SH3PXD2A: variants seen among roughly 807,000 people sequenced by gnomAD.
SH3PXD2A encodes the protein SH3 and PX domains 2A.
In SH3PXD2A, 32 loss-of-function variants were observed where a neutral mutation model predicts 115.2. That is an observed-to-expected ratio of 0.28 (90% CI 0.21 to 0.37). The LOEUF (loss-of-function observed/expected upper bound fraction) is 0.37. Ranked by LOEUF, SH3PXD2A falls within the 10% of genes least tolerant of loss-of-function variation. The pLI is 1.00. For missense variants in SH3PXD2A, 1,328 were observed against 1,498.7 expected, an observed-to-expected ratio of 0.89 and a Z score of 1.88; for synonymous variants, 610 against 629.1, an observed-to-expected ratio of 0.97 and a Z score of 0.45.
chr10:103,763,315 C>G (rs2038720453), intron 3 of SH3PXD2A, among the ~76,000 whole-genome samples: 2 of 152,222 alleles, frequency 1.3e-5, no homozygotes, highest in South Asian at 4.1e-4. Context: ...CCCGCAGACT[C>G]CACACTTGGG....
chr10:103,596,663 A>ACACACTCTCTCT lies in SH3PXD2A; in HGVS notation c.*5152_*5153insAGAGAGAGTGTG. On this transcript the variant is annotated 3_prime_UTR_variant, in exon 15 of 15. Coordinates refer to ENST00000369774, the MANE Select transcript of SH3PXD2A (RefSeq NM_001394015.1). ...CACACACACACACACACACACACACACTCTCTCTCTCTCTCTCTCTCTCAC... is the reference window on the plus strand; with the variant it reads ...CACACACACACACACACACACACACACACACTCTCTCTCTCTCTCTCTCTCTCTCTCTCTCAC... 365 of 124,492 alleles carry ACACACTCTCTCT rather than the reference A, an allele frequency of 2.9e-3. 2 individuals are homozygous for ACACACTCTCTCT. The highest frequency in any genetic ancestry group is 0.011 in the African/African-American group (351 of 31,736). The allele number at this position is 124,492 out of a possible 1,614,324, so 7.7% of individuals were successfully genotyped here.
chr10:103,767,315 A>G lies in SH3PXD2A; in HGVS notation c.154-146T>C, dbSNP rs1031488030. 8 of 650,834 alleles carry G rather than the reference A, an allele frequency of 1.2e-5. No individual in the cohort carries two copies. The African/African-American group carries it at 1.4e-4, about 12-fold the overall frequency. The allele number at this position is 650,834 out of a possible 1,614,324, so 40.3% of individuals were successfully genotyped here. On this transcript the variant is annotated intron_variant, in intron 2 of 14. Coordinates refer to ENST00000369774, the MANE Select transcript of SH3PXD2A (RefSeq NM_001394015.1). ...GAGATCCCTCATTTCACAGATGATTAACAAACCACATGGGGCATGAGAGGG... is the reference window on the plus strand; with the variant it reads ...GAGATCCCTCATTTCACAGATGATTGACAAACCACATGGGGCATGAGAGGG...
chr10:103,816,656 TCTAC>T (rs2039326508), intron 1 of SH3PXD2A, among the ~76,000 whole-genome samples: 1 of 152,168 alleles, frequency 6.6e-6, no homozygotes, highest in South Asian at 2.1e-4. Context: ...TTCTGAGGCA[TCTAC>T]CTAAGAGAAA....
chr10:103,744,542 G>A (rs2038479790), intron 3 of SH3PXD2A, among the ~76,000 whole-genome samples: 1 of 152,176 alleles, frequency 6.6e-6, no homozygotes. Context: ...CTCTTCCCCT[G>A]CTGGGCTGCC....
chr10:103,608,430 GAAAAAAA>G lies in SH3PXD2A; in HGVS notation c.1309-2520_1309-2514del, dbSNP rs953168200. ...AAATAAAGACACCATTCCATGTCAA[GAAAAAAA>G]AAAAAAAAAAAAAGAAAAATTGTGT... is the stretch of plus-strand genomic sequence containing the variant. On this transcript the variant is annotated intron_variant, in intron 13 of 14. Coordinates refer to ENST00000369774, the MANE Select transcript of SH3PXD2A (RefSeq NM_001394015.1). 2.5e-3 allele frequency among the ~76,000 whole-genome samples: 214 copies of G among 85,330 alleles called. 1 individual carries two copies. Among genetic ancestry groups the G allele is most frequent in the African/African-American group, 7.5e-3 (178 of 23,856 alleles). 56.0% of individuals were successfully genotyped at this position (85,330 alleles called of 152,430 possible). A position where few individuals can be genotyped will look rare whatever the true frequency, so the allele number is the denominator to read the frequency against.
At chr10:103,722,683 G>A (rs1415217021) in intron 5 of SH3PXD2A, among the ~76,000 whole-genome samples, 2 of 151,368 alleles carry the variant, frequency 1.3e-5, no homozygotes, top group African/African-American at 2.4e-5. Flanking sequence ...CCAGCACTGA[G>A]CCACTAGGGA....
intron 1 of SH3PXD2A, among the ~76,000 whole-genome samples, chr10:103,836,591 G>T (rs2039543545): frequency 7.0e-6 from 1 of 143,520 alleles, no homozygotes; most frequent in African/African-American, 2.6e-5. Context: ...AACACACACA[G>T]TCCACACTCA....
rs1310291565 is a variant in SH3PXD2A, at chr10:103,622,465, G to A, written c.802+5C>T. 6.5e-7 allele frequency: 1 copy of A among 1,545,312 alleles called. No homozygotes were observed. The highest frequency in any genetic ancestry group is 2.4e-5 in the East Asian group (1 of 40,908). Reference sequence around the variant, plus strand: ...GAGGGAGGAGAAGCCAGCTCCCGCAGTCACCTCGGCTGTGCTGCCTGTTGA... The same window carrying A: ...GAGGGAGGAGAAGCCAGCTCCCGCAATCACCTCGGCTGTGCTGCCTGTTGA... On this transcript the variant is annotated splice_donor_5th_base_variant and intron_variant, in intron 10 of 14. Transcript: ENST00000369774.
intron 3 of SH3PXD2A, among the ~76,000 whole-genome samples, chr10:103,762,014 C>CTTTTTT (rs79615908): frequency 0.011 from 1,001 of 90,566 alleles, 108 homozygotes; most frequent in African/African-American, 0.037. Context: ...ATCAACACGT[C>CTTTTTT]TTTTTTTTTT....
intron 13 of SH3PXD2A, among the ~76,000 whole-genome samples, chr10:103,607,592 C>CCG (rs1232858760): frequency 6.6e-6 from 1 of 152,228 alleles, no homozygotes; most frequent in Non-Finnish European, 1.5e-5. Context: ...CTCTGCCCGG[C>CCG]CGCCCCTACT....
At chr10:103,684,804 T>G (rs554108870) in intron 6 of SH3PXD2A, among the ~76,000 whole-genome samples, 5 of 143,410 alleles carry the variant, frequency 3.5e-5, no homozygotes, top group Non-Finnish European at 7.7e-5. Flanking sequence ...CGAGGCAGGA[T>G]AGTCACTTGA....
In SH3PXD2A at chr10:103,601,957, C is replaced by T. The variant is rs376965715; in HGVS notation, c.3261G>A (p.Glu1087=). The part of the protein sequence containing the change: ...YVSIADYEGD[E]ETAGFQEGVS... ...CCCCCTCCTGGAAGCCTGCTGTCTC[C>T]TCATCCCCCTCGTAGTCTGCGATAG... The change falls in exon 15 of 15, where the codon GAG becomes GAA. Residue 1087 remains glutamate (E), a synonymous_variant. Transcript: ENST00000369774. The T allele has an allele frequency of 1.2e-6, 2 of 1,614,122 alleles. No homozygotes were observed. Among genetic ancestry groups the T allele is most frequent in the Non-Finnish European group, 8.5e-7 (1 of 1,180,008 alleles).
At chr10:103,825,968 T>C (rs1374553216) in intron 1 of SH3PXD2A, among the ~76,000 whole-genome samples, 1 of 152,098 alleles carries the variant, frequency 6.6e-6, no homozygotes, top group Non-Finnish European at 1.5e-5. Context: ...TTTCACCATG[T>C]TAGCCAGGAT....
At chr10:103,765,154 A>C (rs1191563125) in intron 3 of SH3PXD2A, among the ~76,000 whole-genome samples, 1 of 152,114 alleles carries the variant, frequency 6.6e-6, no homozygotes, top group Non-Finnish European at 1.5e-5. Flanking sequence ...TGTATTGGTA[A>C]TCAGCAGAGC....
intron 1 of SH3PXD2A, among the ~76,000 whole-genome samples, chr10:103,811,440 C>T (rs2039269881): frequency 6.6e-6 from 1 of 152,206 alleles, no homozygotes; most frequent in Non-Finnish European, 1.5e-5. Flanking sequence ...TTACTCTTTA[C>T]AATAGTCCTA....
chr10:103,596,663 A>ACACACACACACTCTCTCTCT lies in SH3PXD2A; in HGVS notation c.*5152_*5153insAGAGAGAGAGTGTGTGTGTG. ...CACACACACACACACACACACACAC[A>ACACACACACACTCTCTCTCT]CTCTCTCTCTCTCTCTCTCTCTCAC... On this transcript the variant is annotated 3_prime_UTR_variant, in exon 15 of 15. Coordinates refer to ENST00000369774, the MANE Select transcript of SH3PXD2A (RefSeq NM_001394015.1). 118 of 124,506 alleles carry ACACACACACACTCTCTCTCT rather than the reference A, an allele frequency of 9.5e-4. No homozygotes were observed. Among genetic ancestry groups the ACACACACACACTCTCTCTCT allele is most frequent in the African/African-American group, 3.2e-3 (100 of 31,746 alleles). The allele number at this position is 124,506 out of a possible 1,614,324, so 7.7% of individuals were successfully genotyped here.
chr10:103,649,824 C>T (rs142385984), intron 8 of SH3PXD2A, among the ~76,000 whole-genome samples: 3 of 152,340 alleles, frequency 2.0e-5, no homozygotes, highest in Non-Finnish European at 4.4e-5. Context: ...CCTGGCCAAC[C>T]TCAACAGCAA....
rs2036123824 is a variant in SH3PXD2A, at chr10:103,595,720, G to A, written c.*6096C>T. The stretch of plus-strand genomic sequence containing the variant: ...GAGAGGGTGCTGTTGTCAAGGTTAA[G>A]TGCAAACTTGAGATTTTAAAAAGAC... On this transcript the variant is annotated 3_prime_UTR_variant, in exon 15 of 15. Transcript: ENST00000369774. 1 of 152,702 alleles carries A rather than the reference G, an allele frequency of 6.5e-6. No homozygotes were observed. The allele number at this position is 152,702 out of a possible 1,614,324, so 9.5% of individuals were successfully genotyped here.
In SH3PXD2A at chr10:103,602,975, G is replaced by A. The variant is rs2133907893; in HGVS notation, c.2243C>T (p.Ser748Phe). 1 of 1,614,216 alleles carries A rather than the reference G, an allele frequency of 6.2e-7. No homozygotes were observed. The highest frequency in any genetic ancestry group is 8.5e-7 in the Non-Finnish European group (1 of 1,180,028). The change falls in exon 15 of 15, where the codon TCC becomes TTC. Residue 748 changes from serine (S) to phenylalanine (F), a missense_variant. Coordinates refer to ENST00000369774, the MANE Select transcript of SH3PXD2A (RefSeq NM_001394015.1). ...KDADANAGLT[S>F]CPRAKPSVRP... ...GACCGATGGCTTGGCCCGGGGACAG[G>A]AGGTCAGCCCAGCGTTCGCATCAGC...
Sources: gnomAD v4.1 joint callset for allele counts (sites outside exome capture counted in the v4.1 genomes callset) on GRCh38, gnomAD v4.1.1 for gene constraint, MANE v1.5 for transcripts, NCBI Gene and HGNC (gene_info 2026-07-23, HGNC 2026-07-21) for gene names.